The following PTPRT variants were observed in gnomAD, a reference collection of about 807,000 sequenced individuals.
PTPRT encodes receptor-type tyrosine-protein phosphatase T.
In PTPRT, 56 loss-of-function variants were observed where a neutral mutation model predicts 176.8. That is an observed-to-expected ratio of 0.32 (90% CI 0.26 to 0.40). The LOEUF is 0.40. Among genes scored for constraint, PTPRT ranks in the 10% least tolerant of loss-of-function variants. The pLI is 1.00. For synonymous variants in PTPRT, 783 were observed against 739.0 expected, an observed-to-expected ratio of 1.06 and a Z score of -0.96; for missense variants, 1,540 against 1,908.2, an observed-to-expected ratio of 0.81 and a Z score of 3.60.
At chr20:42,136,566 G>C (rs1222466870) in intron 18 of PTPRT, among the ~76,000 whole-genome samples, 1 of 152,140 alleles carries the variant, frequency 6.6e-6, no homozygotes, top group East Asian at 1.9e-4. Flanking sequence ...GGTCCTGGGA[G>C]GAGCTGCTCC....
At chr20:42,881,174 T>C (rs1241143106) in intron 2 of PTPRT, among the ~76,000 whole-genome samples, 1 of 152,146 alleles carries the variant, frequency 6.6e-6, no homozygotes, top group Non-Finnish European at 1.5e-5. Context: ...GGCAGACAGT[T>C]CACACTCATG....
intron 1 of PTPRT, among the ~76,000 whole-genome samples, chr20:42,987,709 C>T (rs546462451): frequency 3.9e-5 from 6 of 152,216 alleles, no homozygotes; most frequent in African/African-American, 1.4e-4. Context: ...ACTTTGCTTC[C>T]TCCAAGCCAT....
intron 23 of PTPRT, among the ~76,000 whole-genome samples, chr20:42,110,116 G>A (rs916197418): frequency 4.0e-5 from 6 of 148,568 alleles, no homozygotes; most frequent in Non-Finnish European, 7.4e-5. Flanking sequence ...GCGCGATCTT[G>A]GCTCACTGCA....
intron 16 of PTPRT, among the ~76,000 whole-genome samples, chr20:42,161,791 A>C (rs1568980700): frequency 2.0e-5 from 3 of 152,204 alleles, no homozygotes; most frequent in Non-Finnish European, 2.9e-5. Flanking sequence ...ATAAAGTTCC[A>C]GGTTGTTCAT....
chr20:42,729,266 CA>C (rs1437275745), intron 6 of PTPRT, among the ~76,000 whole-genome samples: 5 of 152,064 alleles, frequency 3.3e-5, no homozygotes, highest in Admixed American at 3.3e-4. Context: ...TGAGTCTACC[CA>C]GGGGGGTCGG....
At chr20:42,278,123 A>ATG (rs2057077879) in intron 13 of PTPRT, among the ~76,000 whole-genome samples, 1 of 83,554 alleles carries the variant, frequency 1.2e-5, no homozygotes, top group African/African-American at 5.1e-5. Context: ...ATATATATAT[A>ATG]TATATATATA....
chr20:42,623,533 C>G (rs946651376), intron 7 of PTPRT, among the ~76,000 whole-genome samples: 2 of 152,184 alleles, frequency 1.3e-5, no homozygotes, highest in African/African-American at 4.8e-5. Context: ...AGGTTAAACT[C>G]TACGGAATGG....
chr20:42,265,984 A>T (rs2056832785), intron 13 of PTPRT, among the ~76,000 whole-genome samples: 1 of 152,200 alleles, frequency 6.6e-6, no homozygotes, highest in Non-Finnish European at 1.5e-5. Flanking sequence ...CCAGCGAAAT[A>T]ATAAGAGAGA....
At chr20:42,785,567 G>A (rs533654379) in intron 3 of PTPRT, among the ~76,000 whole-genome samples, 5 of 152,260 alleles carry the variant, frequency 3.3e-5, no homozygotes, top group Non-Finnish European at 7.4e-5. Context: ...CCCTATGTGG[G>A]CACTCTGCAG....
intron 7 of PTPRT, among the ~76,000 whole-genome samples, chr20:42,638,003 T>C (rs1432321128): frequency 1.3e-5 from 2 of 152,166 alleles, no homozygotes; most frequent in East Asian, 3.8e-4. Context: ...GAGCCAATTG[T>C]GCACATCTCT....
intron 2 of PTPRT, among the ~76,000 whole-genome samples, chr20:42,809,348 C>T (rs764114241): frequency 1.2e-4 from 19 of 152,086 alleles, no homozygotes; most frequent in Non-Finnish European, 2.4e-4. Context: ...GTGACTCCTG[C>T]CAGGTGTGGC....
intron 26 of PTPRT, among the ~76,000 whole-genome samples, chr20:42,099,549 GGGGGGGGGGGGT>G: frequency 1.7e-5 from 1 of 60,484 alleles, no homozygotes; most frequent in African/African-American, 4.7e-5. Context: ...GCCTGGGCGG[GGGGGGGGGGGGT>G]GGGGTGGTCT....
At chr20:42,219,849 G>T (rs1198242572) in intron 15 of PTPRT, among the ~76,000 whole-genome samples, 2 of 152,124 alleles carry the variant, frequency 1.3e-5, no homozygotes, top group East Asian at 3.9e-4. Context: ...ATTGGATGGA[G>T]CCTGGCTTTT....
chr20:42,723,975 A>C (rs2076340911), intron 6 of PTPRT, among the ~76,000 whole-genome samples: 1 of 152,210 alleles, frequency 6.6e-6, no homozygotes, highest in African/African-American at 2.4e-5. Context: ...TAGTGAGTTC[A>C]TATTACCTCT....
intron 12 of PTPRT, among the ~76,000 whole-genome samples, chr20:42,297,727 A>G (rs2057408538): frequency 6.6e-6 from 1 of 152,188 alleles, no homozygotes; most frequent in Admixed American, 6.5e-5. Context: ...GAACATATGA[A>G]AATTTAAAAT....
chr20:42,933,394 A>G (rs1979985876), intron 1 of PTPRT, among the ~76,000 whole-genome samples: 1 of 152,178 alleles, frequency 6.6e-6, no homozygotes. Context: ...ATTTTTAAAT[A>G]TATTTACATG....
intron 12 of PTPRT, among the ~76,000 whole-genome samples, chr20:42,304,696 C>T (rs958122335): frequency 5.3e-5 from 8 of 152,090 alleles, no homozygotes; most frequent in African/African-American, 1.9e-4. Flanking sequence ...AAATAGAATC[C>T]GTGAGTGCAA....
chr20:42,842,104 T>A lies in PTPRT; in HGVS notation c.214+43703A>T, dbSNP rs536150182. ...CATAAATCATTGTTACAAGAAGACC[T>A]TCTCTTAGAAAGATCTTTAGAATCA... On this transcript the variant is annotated intron_variant, in intron 2 of 30. Coordinates refer to ENST00000373187, the MANE Select transcript of PTPRT (RefSeq NM_007050.6). 1.2e-4 allele frequency among the ~76,000 whole-genome samples: 18 copies of A among 152,360 alleles called. No homozygotes were observed. In the South Asian group the frequency reaches 3.7e-3, roughly 32 times the overall value.
chr20:42,654,511 A>C (rs988915880), intron 7 of PTPRT, among the ~76,000 whole-genome samples: 1 of 152,160 alleles, frequency 6.6e-6, no homozygotes, highest in East Asian at 1.9e-4. Context: ...GCACGAAACT[A>C]TTCAAGCGGA....
Sources: allele counts gnomAD v4.1 joint callset (sites outside exome capture counted in the v4.1 genomes callset), GRCh38; gene constraint gnomAD v4.1.1; transcripts MANE v1.5; gene names NCBI Gene and HGNC (gene_info 2026-07-23, HGNC 2026-07-21).